The following HPSE2 variants were observed in gnomAD, a reference collection of about 807,000 sequenced individuals.
The protein encoded by HPSE2 is heparanase 2 (inactive).
A neutral mutation model predicts 60.5 loss-of-function variants in HPSE2; 38 were observed. The ratio of observed to expected loss-of-function variants is 0.63; its 90% confidence interval spans 0.48 to 0.82. The LOEUF (loss-of-function observed/expected upper bound fraction) is 0.82. HPSE2 is among the 40% of genes least tolerant of loss of function. The pLI is 0.00. For missense variants in HPSE2, 713 were observed against 740.4 expected (o/e 0.96, Z 0.43); for synonymous variants, 295 against 293.2 (o/e 1.01, Z -0.06).
intron 5 of HPSE2, among the ~76,000 whole-genome samples, chr10:98,699,980 G>A (rs188849076): frequency 0.71 from 103,744 of 146,368 alleles, 38,846 homozygotes; most frequent in South Asian, 0.95. Context: ...CCACTGCTCA[G>A]TGAAATAAAA....
intron 2 of HPSE2, among the ~76,000 whole-genome samples, chr10:99,159,410 A>T (rs1222294407): frequency 6.6e-6 from 1 of 152,192 alleles, no homozygotes; most frequent in Non-Finnish European, 1.5e-5. Flanking sequence ...TTGCGTGGTG[A>T]AACAGTTATG....
the HPSE2 span, among the ~76,000 whole-genome samples, chr10:99,282,039 C>A: frequency 1.3e-5 from 2 of 152,038 alleles, no homozygotes; most frequent in Non-Finnish European, 2.9e-5. Context: ...GTAGGCAGAT[C>A]ACAAGGTCAG....
At chr10:98,495,547 T>C (rs915220058) in intron 9 of HPSE2, among the ~76,000 whole-genome samples, 1 of 152,174 alleles carries the variant, frequency 6.6e-6, no homozygotes, top group East Asian at 1.9e-4. Context: ...CCAGGTCCCT[T>C]TGGCCCTGTT....
intron 6 of HPSE2, among the ~76,000 whole-genome samples, chr10:98,660,002 T>A (rs1947182152): frequency 6.6e-6 from 1 of 152,172 alleles, no homozygotes; most frequent in Non-Finnish European, 1.5e-5. Flanking sequence ...AGTTAAACTA[T>A]TTTTTCAATT....
At chr10:98,980,671 G>A (rs904931648) in intron 3 of HPSE2, among the ~76,000 whole-genome samples, 1 of 152,244 alleles carries the variant, frequency 6.6e-6, no homozygotes, top group Non-Finnish European at 1.5e-5. Flanking sequence ...TCCTAAGTTA[G>A]GTTTACAGTC....
the HPSE2 span, among the ~76,000 whole-genome samples, chr10:99,258,318 C>A: frequency 1.3e-5 from 2 of 151,540 alleles, no homozygotes; most frequent in Non-Finnish European, 2.9e-5. Context: ...TTAAAGCCAA[C>A]AAAAGATGTG....
chr10:98,732,962 A>G (rs1488530324), intron 4 of HPSE2, among the ~76,000 whole-genome samples: 2 of 152,228 alleles, frequency 1.3e-5, no homozygotes, highest in East Asian at 3.8e-4. Context: ...CTTTGGGCTG[A>G]TATTTCACAA....
intron 9 of HPSE2, among the ~76,000 whole-genome samples, chr10:98,609,004 A>G (rs1398210190): frequency 6.6e-6 from 1 of 152,212 alleles, no homozygotes; most frequent in Non-Finnish European, 1.5e-5. Flanking sequence ...TAATCCATCT[A>G]ACATGATTCA....
At chr10:98,968,247 G>T (rs1955863397) in intron 3 of HPSE2, among the ~76,000 whole-genome samples, 1 of 152,036 alleles carries the variant, frequency 6.6e-6, no homozygotes, top group African/African-American at 2.4e-5. Flanking sequence ...TTCACCTGTG[G>T]GCAATTAGCA....
At chr10:98,640,450 T>A (rs1009671453) in intron 7 of HPSE2, among the ~76,000 whole-genome samples, 2 of 152,168 alleles carry the variant, frequency 1.3e-5, no homozygotes, top group African/African-American at 2.4e-5. Flanking sequence ...ATCAAACTCT[T>A]GAGAACAAGA....
At chr10:99,117,431 A>C (rs1844747505) in intron 3 of HPSE2, among the ~76,000 whole-genome samples, 2 of 133,998 alleles carry the variant, frequency 1.5e-5, no homozygotes, top group African/African-American at 5.1e-5. Flanking sequence ...AAAAAAAAAA[A>C]AAAAAAAAAA....
chr10:99,172,709 C>T (rs1360716664), intron 2 of HPSE2, among the ~76,000 whole-genome samples: 1 of 152,134 alleles, frequency 6.6e-6, no homozygotes, highest in Non-Finnish European at 1.5e-5. Flanking sequence ...GAAAACCTGT[C>T]TCTACTAAAA....
At chr10:98,569,066 ATTTTTT>A (rs58007353) in intron 9 of HPSE2, among the ~76,000 whole-genome samples, 1 of 143,466 alleles carries the variant, frequency 7.0e-6, no homozygotes, top group Non-Finnish European at 1.5e-5. Context: ...AAAAAGTCTG[ATTTTTT>A]TTTTTTTTGA....
In HPSE2 at chr10:99,118,904, C is replaced by G. The variant is rs113302829; in HGVS notation, c.610+25334G>C. ...TGGTGGTAGGCACCTGTATTCCCAG[C>G]TACTTGGGAGATGAGGCAGGAGACT... On this transcript the variant is annotated intron_variant, in intron 3 of 11. Transcript: ENST00000370552. Among the ~76,000 whole-genome samples, 295 of 151,788 alleles carry G rather than the reference C, an allele frequency of 1.9e-3. 1 individual carries two copies. The highest frequency in any genetic ancestry group is 7.0e-3 in the African/African-American group (288 of 41,352).
intron 6 of HPSE2, among the ~76,000 whole-genome samples, chr10:98,676,681 A>AG (rs1235323994): frequency 6.6e-6 from 1 of 152,168 alleles, no homozygotes; most frequent in Non-Finnish European, 1.5e-5. Flanking sequence ...TTCACTGACT[A>AG]GGGGGTCACT....
intron 9 of HPSE2, among the ~76,000 whole-genome samples, chr10:98,599,278 G>C (rs1945331918): frequency 1.3e-5 from 2 of 152,160 alleles, no homozygotes; most frequent in Non-Finnish European, 2.9e-5. Context: ...GCTGGTGCTA[G>C]ACGGGTCTAG....
rs370127810 is a variant in HPSE2 at position 99,197,220 on chromosome 10, G to A, written c.448+35128C>T. On this transcript the variant is annotated intron_variant, in intron 2 of 11. Transcript: ENST00000370552. ...AGTAAAAGGATTGTTACCAGAGGCTGGGAAGGGTCATGGGGGGTTGGCAGG... is the reference window on the plus strand; with the variant it reads ...AGTAAAAGGATTGTTACCAGAGGCTAGGAAGGGTCATGGGGGGTTGGCAGG... 2.0e-5 allele frequency among the ~76,000 whole-genome samples: 3 copies of A among 152,156 alleles called. No homozygotes were observed. In the South Asian group the frequency reaches 6.2e-4, roughly 32 times the overall value.
At chr10:99,283,701 G>A in the HPSE2 span, among the ~76,000 whole-genome samples, 1 of 151,910 alleles carries the variant, frequency 6.6e-6, no homozygotes, top group East Asian at 1.9e-4. Flanking sequence ...GAATAAAAAG[G>A]CTTAAAAGAG....
At chr10:98,715,622 G>A (rs924280471) in intron 5 of HPSE2, among the ~76,000 whole-genome samples, 8 of 151,934 alleles carry the variant, frequency 5.3e-5, no homozygotes, top group African/African-American at 1.9e-4. Context: ...AAATTATTTG[G>A]TTTCTCAGTA....
Sources: gnomAD v4.1 joint callset for allele counts (sites outside exome capture counted in the v4.1 genomes callset) on GRCh38, gnomAD v4.1.1 for gene constraint, MANE v1.5 for transcripts, NCBI Gene and HGNC (gene_info 2026-07-23, HGNC 2026-07-21) for gene names.